ZNF385B: variants seen among roughly 807,000 people sequenced by gnomAD.
ZNF385B encodes zinc finger protein 385B, also known as zinc finger protein 533.
A neutral mutation model predicts 39.2 loss-of-function variants in ZNF385B; 23 were observed. The ratio of observed to expected loss-of-function variants is 0.59; its 90% CI spans 0.42 to 0.83. The LOEUF (loss-of-function observed/expected upper bound fraction) is 0.83. Among genes scored for constraint, ZNF385B ranks in the 40% least tolerant of loss-of-function variants. The pLI is 0.00. For synonymous variants in ZNF385B, 205 were observed against 222.6 expected (o/e 0.92, Z 0.70); for missense variants, 552 against 598.9 (o/e 0.92, Z 0.82).
intron 3 of ZNF385B, among the ~76,000 whole-genome samples, chr2:179,758,502 T>G (rs1439412003): frequency 2.0e-5 from 3 of 152,148 alleles, no homozygotes; most frequent in African/African-American, 7.2e-5. Context: ...CCTAATCACC[T>G]CTCAAAGGCA....
intron 3 of ZNF385B, among the ~76,000 whole-genome samples, chr2:179,599,479 CTTAA>C (rs1285987707): frequency 6.6e-6 from 1 of 152,112 alleles, no homozygotes; most frequent in Non-Finnish European, 1.5e-5. Flanking sequence ...TTTAATCTTC[CTTAA>C]TTAATATTTC....
At chr2:179,828,515 T>A in intron 1 of ZNF385B, among the ~76,000 whole-genome samples, 1 of 152,126 alleles carries the variant, frequency 6.6e-6, no homozygotes, top group South Asian at 2.1e-4. Flanking sequence ...AAGAAATAAA[T>A]CCTTTATTCA....
intron 3 of ZNF385B, among the ~76,000 whole-genome samples, chr2:179,628,132 G>A (rs971320265): frequency 3.9e-5 from 6 of 151,970 alleles, no homozygotes; most frequent in African/African-American, 9.7e-5. Context: ...TAAGAGATAA[G>A]CTCATTTTAA....
rs543645549 is a variant in ZNF385B, at chr2:179,672,695, G to A, written c.298+96808C>T. ...AGAGACTCCTTACCTCTTCCACCAA[G>A]TGAGGATGCAGAGAAAACTCTTTTT... On this transcript the variant is annotated intron_variant, in intron 3 of 9. Transcript: ENST00000410066. Among the ~76,000 whole-genome samples the A allele has an allele frequency of 9.8e-5, 15 of 152,302 alleles. No individual in the cohort carries two copies. The South Asian group carries it at 3.1e-3, about 32-fold the overall frequency.
intron 3 of ZNF385B, among the ~76,000 whole-genome samples, chr2:179,698,432 C>T (rs986876511): frequency 6.6e-6 from 1 of 152,120 alleles, no homozygotes; most frequent in Admixed American, 6.5e-5. Context: ...ACTCTGACAT[C>T]TCAAAAAAGC....
At chr2:179,512,773 A>G (rs888983790) in intron 5 of ZNF385B, among the ~76,000 whole-genome samples, 24 of 152,220 alleles carry the variant, frequency 1.6e-4, no homozygotes, top group Non-Finnish European at 1.5e-5. Context: ...GTTGGAAAGC[A>G]TATTATTCCT....
At position 179,724,800 on chromosome 2, in the gene ZNF385B, A is replaced by G. The variant is rs146717086; in HGVS notation, c.298+44703T>C. Among the ~76,000 whole-genome samples, 5 of 152,332 alleles carry G rather than the reference A, an allele frequency of 3.3e-5. No homozygotes were observed. The East Asian group carries it at 9.6e-4, about 29-fold the overall frequency. On this transcript the variant is annotated intron_variant, in intron 3 of 9. Transcript: ENST00000410066. ...TCTAATAAATAACTGTTCTCTAGAC[A>G]GTAAGCTGGGAAGCTAGGGAGGATG...
chr2:179,769,064 A>G (rs958563721), intron 3 of ZNF385B, among the ~76,000 whole-genome samples: 1 of 152,238 alleles, frequency 6.6e-6, no homozygotes, highest in African/African-American at 2.4e-5. Context: ...CCTCTCCTGC[A>G]TCACAGGATG....
chr2:179,645,433 G>T (rs1692632703), intron 3 of ZNF385B, among the ~76,000 whole-genome samples: 1 of 152,094 alleles, frequency 6.6e-6, no homozygotes, highest in Non-Finnish European at 1.5e-5. Flanking sequence ...TATGTATTTT[G>T]ATGTACTTAA....
intron 3 of ZNF385B, among the ~76,000 whole-genome samples, chr2:179,584,813 C>G (rs72958001): frequency 2.0e-5 from 3 of 151,988 alleles, no homozygotes; most frequent in African/African-American, 7.2e-5. Context: ...GAAGAATGAA[C>G]ACCACCTATA....
chr2:179,761,009 C>A (rs2106487240), intron 3 of ZNF385B, among the ~76,000 whole-genome samples: 1 of 152,184 alleles, frequency 6.6e-6, no homozygotes, highest in Non-Finnish European at 1.5e-5. Flanking sequence ...ATTCTTTCTC[C>A]ATTGACTTGC....
rs1202621903 is a variant in ZNF385B at position 179,755,505 on chromosome 2, T to C, written c.298+13998A>G. ...ATATCCTTGTTAACCTTCTGTCTCA[T>C]TGATGTGTCTAATGTTGACAGTGGG... On this transcript the variant is annotated intron_variant, in intron 3 of 9. Coordinates refer to ENST00000410066, the MANE Select transcript of ZNF385B (RefSeq NM_152520.6). Among the ~76,000 whole-genome samples, 4 of 152,188 alleles carry C rather than the reference T, an allele frequency of 2.6e-5. No individual in the cohort carries two copies. In the East Asian group the frequency reaches 7.7e-4, roughly 29 times the overall value.
intron 6 of ZNF385B, among the ~76,000 whole-genome samples, chr2:179,470,770 T>C (rs2052673492): frequency 6.6e-6 from 1 of 152,168 alleles, no homozygotes; most frequent in Non-Finnish European, 1.5e-5. Flanking sequence ...ATAAAAAAGG[T>C]ACCCTAGAAT....
In ZNF385B at chr2:179,466,577, A is replaced by G. The variant is rs374180867; in HGVS notation, c.715+16695T>C. Among the ~76,000 whole-genome samples, 20 of 152,086 alleles carry G rather than the reference A, an allele frequency of 1.3e-4. No homozygotes were observed. The East Asian group carries it at 3.1e-3, about 23-fold the overall frequency. ...TATTAAATTATATTATACAATATCCATTTGTGTTATCAACGATTACATGGT... is the reference window on the plus strand; with the variant it reads ...TATTAAATTATATTATACAATATCCGTTTGTGTTATCAACGATTACATGGT... On this transcript the variant is annotated intron_variant, in intron 6 of 9. Transcript: ENST00000410066.
chr2:179,614,030 T>C (rs570868355), intron 3 of ZNF385B, among the ~76,000 whole-genome samples: 3 of 151,914 alleles, frequency 2.0e-5, no homozygotes, highest in Non-Finnish European at 4.4e-5. Flanking sequence ...TATATCACTA[T>C]GGTCTCCCTC....
At chr2:179,767,206 G>T (rs542037781) in intron 3 of ZNF385B, among the ~76,000 whole-genome samples, 6 of 152,254 alleles carry the variant, frequency 3.9e-5, no homozygotes, top group Admixed American at 3.3e-4. Flanking sequence ...ACAATCTGGG[G>T]GATCCCTTCA....
At chr2:179,733,231 A>T (rs1701510262) in intron 3 of ZNF385B, among the ~76,000 whole-genome samples, 1 of 152,144 alleles carries the variant, frequency 6.6e-6, no homozygotes, top group Non-Finnish European at 1.5e-5. Flanking sequence ...TAGGCAACAT[A>T]CACTTAGGAG....
intron 3 of ZNF385B, among the ~76,000 whole-genome samples, chr2:179,673,369 C>T (rs527906105): frequency 6.1e-4 from 92 of 151,940 alleles, no homozygotes; most frequent in Admixed American, 1.6e-3. Context: ...AAACATCATA[C>T]GCTTTTCACA....
chr2:179,701,665 G>C (rs1287912168), intron 3 of ZNF385B, among the ~76,000 whole-genome samples: 1 of 152,120 alleles, frequency 6.6e-6, no homozygotes, highest in East Asian at 1.9e-4. Context: ...TTCTAAAGAA[G>C]TGAACAGCAT....
Sources: gnomAD v4.1 joint callset for allele counts (sites outside exome capture counted in the v4.1 genomes callset) on GRCh38, gnomAD v4.1.1 for gene constraint, MANE v1.5 for transcripts, NCBI Gene and HGNC (gene_info 2026-07-23, HGNC 2026-07-21) for gene names.